FBXL7: variants seen among roughly 807,000 people sequenced by gnomAD.
FBXL7 encodes F-box/LRR-repeat protein 7.
In FBXL7, 12 loss-of-function variants were observed where a neutral mutation model predicts 38.3. The observed-to-expected ratio is 0.31, with a 90% CI of 0.20 to 0.51. FBXL7 has a LOEUF of 0.51. Among genes scored for constraint, FBXL7 ranks in the 20% least tolerant of loss-of-function variants. The pLI, the probability that FBXL7 is intolerant of heterozygous loss-of-function variation, is 0.98. For synonymous variants in FBXL7, 297 were observed against 300.9 expected, an observed-to-expected ratio of 0.99 and a Z score of 0.13; for missense variants, 567 against 676.4, an observed-to-expected ratio of 0.84 and a Z score of 1.79.
intron 2 of FBXL7, among the ~76,000 whole-genome samples, chr5:15,837,086 A>G (rs1441898307): frequency 6.6e-6 from 1 of 152,208 alleles, no homozygotes; most frequent in African/African-American, 2.4e-5. Flanking sequence ...TCATTAATCT[A>G]TGACAGCAAG....
chr5:15,598,589 T>G (rs1367465476), intron 1 of FBXL7, among the ~76,000 whole-genome samples: 1 of 152,148 alleles, frequency 6.6e-6, no homozygotes, highest in East Asian at 1.9e-4. Flanking sequence ...CTCAGTGATA[T>G]CCTTACCTGA....
chr5:15,824,322 TG>T (rs1281409981), intron 2 of FBXL7, among the ~76,000 whole-genome samples: 1 of 149,856 alleles, frequency 6.7e-6, no homozygotes, highest in Non-Finnish European at 1.5e-5. Flanking sequence ...GAGAAAAACG[TG>T]GACCATTTTC....
chr5:15,548,060 A>G (rs1737965775), intron 1 of FBXL7, among the ~76,000 whole-genome samples: 1 of 152,214 alleles, frequency 6.6e-6, no homozygotes, highest in Non-Finnish European at 1.5e-5. Context: ...TCCCATTTAC[A>G]TGAAAGGATA....
At chr5:15,649,701 T>TC (rs901400285) in intron 2 of FBXL7, among the ~76,000 whole-genome samples, 2 of 152,060 alleles carry the variant, frequency 1.3e-5, no homozygotes, top group Non-Finnish European at 2.9e-5. Context: ...TCTTTTCTTT[T>TC]TTTTTTTTGT....
intron 2 of FBXL7, among the ~76,000 whole-genome samples, chr5:15,852,535 G>T (rs1739128221): frequency 6.6e-6 from 1 of 152,148 alleles, no homozygotes; most frequent in Admixed American, 6.5e-5. Flanking sequence ...CAGGCATCCG[G>T]TAATTTGTAC....
chr5:15,769,775 A>G (rs984462723), intron 2 of FBXL7, among the ~76,000 whole-genome samples: 1 of 151,872 alleles, frequency 6.6e-6, no homozygotes, highest in Non-Finnish European at 1.5e-5. Context: ...CTAAATTTGA[A>G]TGAAGATTTG....
chr5:15,515,622 C>G (rs941765963), intron 1 of FBXL7, among the ~76,000 whole-genome samples: 5 of 152,106 alleles, frequency 3.3e-5, no homozygotes, highest in Non-Finnish European at 5.9e-5. Context: ...AGAAAAAATA[C>G]TGAAGAAGCA....
intron 2 of FBXL7, among the ~76,000 whole-genome samples, chr5:15,767,059 T>C (rs1736610505): frequency 6.6e-6 from 1 of 152,228 alleles, no homozygotes; most frequent in African/African-American, 2.4e-5. Context: ...GTTTGTTTTA[T>C]AGGCAAACAT....
intron 2 of FBXL7, among the ~76,000 whole-genome samples, chr5:15,894,294 A>C (rs1044008968): frequency 6.6e-6 from 1 of 152,228 alleles, no homozygotes; most frequent in African/African-American, 2.4e-5. Context: ...ACAAACAAAC[A>C]AAAAAGAATA....
At chr5:15,569,174 T>C (rs371605419) in intron 1 of FBXL7, among the ~76,000 whole-genome samples, 1 of 152,128 alleles carries the variant, frequency 6.6e-6, no homozygotes, top group African/African-American at 2.4e-5. Flanking sequence ...TATAAATTAC[T>C]TTGGGCAGTA....
At chr5:15,570,376 A>G (rs979238994) in intron 1 of FBXL7, among the ~76,000 whole-genome samples, 2 of 152,142 alleles carry the variant, frequency 1.3e-5, no homozygotes, top group African/African-American at 4.8e-5. Flanking sequence ...GTTTATTTGC[A>G]TAGAGGTGTT....
chr5:15,615,855 C>G (rs1295362093), intron 1 of FBXL7, 128 bp from the exon 2 acceptor site: 1 of 545,440 alleles, frequency 1.8e-6, no homozygotes, highest in African/African-American at 1.9e-5. Flanking sequence ...ACTTAATAAA[C>G]TCCATTCTTT....
At chr5:15,754,733 A>G (rs1736246508) in intron 2 of FBXL7, among the ~76,000 whole-genome samples, 2 of 152,236 alleles carry the variant, frequency 1.3e-5, no homozygotes, top group African/African-American at 4.8e-5. Context: ...CTATACAAGC[A>G]CAAGCACGTA....
rs888609261 is a variant in FBXL7, at chr5:15,513,909, C to G, written c.37+13196C>G. On this transcript the variant is annotated intron_variant, in intron 1 of 3. Transcript: ENST00000504595. ...TTTAATTATATTTTAATACTTTTCT[C>G]TCTGTTTTTTTTCTCTCTCTTGAAA... 5.9e-5 allele frequency among the ~76,000 whole-genome samples: 9 copies of G among 152,040 alleles called. No homozygotes were observed. The East Asian group carries it at 1.7e-3, about 29-fold the overall frequency.
chr5:15,814,454 A>T (rs149609268), intron 2 of FBXL7, among the ~76,000 whole-genome samples: 4 of 152,096 alleles, frequency 2.6e-5, no homozygotes, highest in Non-Finnish European at 5.9e-5. Context: ...GAGGGATAGC[A>T]TTAGGAGAAA....
chr5:15,549,269 C>T (rs867348713), intron 1 of FBXL7, among the ~76,000 whole-genome samples: 4 of 152,266 alleles, frequency 2.6e-5, no homozygotes, highest in Middle Eastern at 3.4e-3. Context: ...AAATGTTGGT[C>T]ATTCATTTGT....
chr5:15,584,846 A>G (rs1053448439), intron 1 of FBXL7, among the ~76,000 whole-genome samples: 1 of 152,110 alleles, frequency 6.6e-6, no homozygotes, highest in African/African-American at 2.4e-5. Context: ...GTATGGCTGT[A>G]GAGGCCTCAG....
chr5:15,900,658 A>C (rs1185788131), intron 2 of FBXL7, among the ~76,000 whole-genome samples: 1 of 152,266 alleles, frequency 6.6e-6, no homozygotes, highest in Non-Finnish European at 1.5e-5. Context: ...ATCATAGTAC[A>C]TCATAAATGT....
At chr5:15,872,848 C>T (rs1399853063) in intron 2 of FBXL7, among the ~76,000 whole-genome samples, 2 of 152,118 alleles carry the variant, frequency 1.3e-5, no homozygotes, top group Non-Finnish European at 2.9e-5. Flanking sequence ...CTTAACACCC[C>T]ACTATCAATA....
Sources: allele counts gnomAD v4.1 joint callset (sites outside exome capture counted in the v4.1 genomes callset), GRCh38; gene constraint gnomAD v4.1.1; transcripts MANE v1.5; gene names NCBI Gene and HGNC (gene_info 2026-07-23, HGNC 2026-07-21).